ANO6: variants seen among roughly 807,000 people sequenced by gnomAD.
ANO6 encodes anoctamin 6, also known as anoctamin-6.
In ANO6, 106 loss-of-function variants were observed where a neutral mutation model predicts 117.5. The observed-to-expected ratio is 0.90, with a 90% CI of 0.77 to 1.06. The LOEUF (loss-of-function observed/expected upper bound fraction) is 1.06, where lower values mean the gene tolerates loss of function less well. Among genes scored for constraint, ANO6 ranks in the 50% least tolerant of loss-of-function variants. ANO6 has a pLI of 0.00. For synonymous variants in ANO6, 367 were observed against 385.1 expected, an observed-to-expected ratio of 0.95 and a Z score of 0.55; for missense variants, 955 against 1,121.1, an observed-to-expected ratio of 0.85 and a Z score of 2.12.
In ANO6 at chr12:45,366,354, AT is replaced by A. The variant is rs370961018; in HGVS notation, c.999-1325del. Among the ~76,000 whole-genome samples the A allele has an allele frequency of 2.7e-5, 4 of 150,198 alleles. No individual in the cohort carries two copies. In the South Asian group the frequency reaches 8.5e-4, roughly 32 times the overall value. ...TTCTCCTTACTCTGAGGTTATCTACATTTTTTTTTCTAATAAGTTGGTACGT... is the reference window on the plus strand; with the variant it reads ...TTCTCCTTACTCTGAGGTTATCTACATTTTTTTTCTAATAAGTTGGTACGT... On this transcript the variant is annotated intron_variant, in intron 8 of 19. Coordinates refer to ENST00000320560, the MANE Select transcript of ANO6 (RefSeq NM_001025356.3).
chr12:45,284,151 A>G (rs1001869795), intron 1 of ANO6, among the ~76,000 whole-genome samples: 1 of 152,216 alleles, frequency 6.6e-6, no homozygotes, highest in African/African-American at 2.4e-5. Context: ...ACACAATTGG[A>G]AAAAAGGGTC....
intron 1 of ANO6, among the ~76,000 whole-genome samples, chr12:45,273,298 T>C (rs1359221952): frequency 6.6e-6 from 1 of 152,230 alleles, no homozygotes; most frequent in African/African-American, 2.4e-5. Context: ...ATTGTACACC[T>C]TGAATATATT....
At chr12:45,346,945 A>T in intron 3 of ANO6, 77 bp from the exon 4 acceptor site, 1 of 1,323,456 alleles carries the variant, frequency 7.6e-7, no homozygotes, top group South Asian at 1.2e-5. Context: ...TTTTGTTATT[A>T]ATATTGTTTT....
At chr12:45,284,150 GA>G (rs1024172245) in intron 1 of ANO6, among the ~76,000 whole-genome samples, 4 of 152,100 alleles carry the variant, frequency 2.6e-5, no homozygotes, top group African/African-American at 7.2e-5. Context: ...AACACAATTG[GA>G]AAAAAGGGTC....
At chr12:45,364,054 AT>A (rs1299102603) in intron 8 of ANO6, among the ~76,000 whole-genome samples, 1 of 152,192 alleles carries the variant, frequency 6.6e-6, no homozygotes, top group African/African-American at 2.4e-5. Flanking sequence ...TTTTTGAAGG[AT>A]GGGTTTGCTG....
At chr12:45,285,389 C>G (rs1415373069) in intron 1 of ANO6, among the ~76,000 whole-genome samples, 1 of 152,188 alleles carries the variant, frequency 6.6e-6, no homozygotes. Flanking sequence ...GTGGAGAAAA[C>G]AGCATAGATT....
intron 1 of ANO6, among the ~76,000 whole-genome samples, chr12:45,255,053 A>C (rs1937762260): frequency 6.6e-6 from 1 of 152,142 alleles, no homozygotes; most frequent in African/African-American, 2.4e-5. Flanking sequence ...AGTTACCATA[A>C]TTTTTGCATG....
chr12:45,280,192 A>G (rs1938677816), intron 1 of ANO6, among the ~76,000 whole-genome samples: 1 of 152,252 alleles, frequency 6.6e-6, no homozygotes, highest in Non-Finnish European at 1.5e-5. Context: ...CATGTTTGAA[A>G]AGATAATACG....
chr12:45,239,250 A>C (rs531758921), intron 1 of ANO6, among the ~76,000 whole-genome samples: 12 of 152,094 alleles, frequency 7.9e-5, no homozygotes, highest in Middle Eastern at 3.4e-3. Context: ...GATTCAACTT[A>C]TTCCTGGTTT....
At chr12:45,322,433 T>C (rs569409135) in intron 2 of ANO6, among the ~76,000 whole-genome samples, 3 of 152,230 alleles carry the variant, frequency 2.0e-5, no homozygotes, top group South Asian at 4.1e-4. Flanking sequence ...TGGGGAGTAA[T>C]GGTTTATAAA....
chr12:45,352,540 A>G (rs1374892338), intron 7 of ANO6, among the ~76,000 whole-genome samples: 1 of 144,258 alleles, frequency 6.9e-6, no homozygotes, highest in Non-Finnish European at 1.5e-5. Flanking sequence ...CAGACTGAGC[A>G]GCATAGTGAG....
chr12:45,325,304 A>G (rs776558219), intron 2 of ANO6, among the ~76,000 whole-genome samples: 1 of 152,206 alleles, frequency 6.6e-6, no homozygotes, highest in Non-Finnish European at 1.5e-5. Flanking sequence ...CCTACAGATC[A>G]TTATTCCTCA....
intron 1 of ANO6, among the ~76,000 whole-genome samples, chr12:45,289,760 C>G (rs1939035912): frequency 6.6e-6 from 1 of 152,186 alleles, no homozygotes; most frequent in South Asian, 2.1e-4. Flanking sequence ...CCTATGGGGT[C>G]TTTCCCTTTT....
chr12:45,292,873 C>T, intron 1 of ANO6: 1 of 1,550,456 alleles, frequency 6.4e-7, no homozygotes. Context: ...TAAGAAGCGT[C>T]AAGGACTCAC....
At chr12:45,309,915 G>T (rs1353912688) in intron 2 of ANO6, among the ~76,000 whole-genome samples, 2 of 152,198 alleles carry the variant, frequency 1.3e-5, no homozygotes, top group Non-Finnish European at 2.9e-5. Flanking sequence ...CATTAATTTG[G>T]CAAAAGGACT....
intron 2 of ANO6, among the ~76,000 whole-genome samples, chr12:45,324,381 G>A (rs1002248254): frequency 1.3e-5 from 2 of 152,166 alleles, no homozygotes; most frequent in African/African-American, 4.8e-5. Flanking sequence ...TATAAAACAT[G>A]AATCAACTGG....
rs568530962 is a variant in ANO6, at chr12:45,380,322, G to A, written c.1165+2209G>A. Among the ~76,000 whole-genome samples, 5 of 152,296 alleles carry A rather than the reference G, an allele frequency of 3.3e-5. No individual in the cohort carries two copies. In the East Asian group the frequency reaches 9.7e-4, roughly 29 times the overall value. On this transcript the variant is annotated intron_variant, in intron 10 of 19. Coordinates refer to ENST00000320560, the MANE Select transcript of ANO6 (RefSeq NM_001025356.3). The stretch of plus-strand genomic sequence containing the variant: ...CTTACACCTGATTCTCCCTGGATCA[G>A]ACTTGGCTGCATGACTGCAATGTTT...
At chr12:45,378,673 G>A (rs1258735542) in intron 10 of ANO6, among the ~76,000 whole-genome samples, 35 of 152,174 alleles carry the variant, frequency 2.3e-4, no homozygotes, top group Non-Finnish European at 1.9e-4. Flanking sequence ...TGGGGCGGTG[G>A]GAGTACTACC....
At chr12:45,303,880 G>C (rs188440546) in intron 2 of ANO6, among the ~76,000 whole-genome samples, 5 of 152,128 alleles carry the variant, frequency 3.3e-5, no homozygotes, top group African/African-American at 1.2e-4. Flanking sequence ...TCAGTCTCAC[G>C]CTTACAGAAT....
Sources: gnomAD v4.1 joint callset for allele counts (sites outside exome capture counted in the v4.1 genomes callset) on GRCh38, gnomAD v4.1.1 for gene constraint, MANE v1.5 for transcripts, NCBI Gene and HGNC (gene_info 2026-07-23, HGNC 2026-07-21) for gene names.